The following SDC3 variants were observed in gnomAD, a reference collection of about 807,000 sequenced individuals.
SDC3 encodes syndecan 3.
A neutral mutation model predicts 24.4 loss-of-function variants in SDC3; 13 were observed. The ratio of observed to expected loss-of-function variants is 0.53; its 90% CI spans 0.35 to 0.85. The LOEUF (loss-of-function observed/expected upper bound fraction) is 0.85, where lower values mean the gene tolerates loss of function less well. Among genes scored for constraint, SDC3 ranks in the 40% least tolerant of loss-of-function variants. The pLI is 0.01. For missense variants in SDC3, 571 were observed against 584.5 expected (o/e 0.98, Z 0.24); for synonymous variants, 295 against 260.9 (o/e 1.13, Z -1.26).
chr1:30,908,471 AGC>A lies in SDC3; in HGVS notation c.114_115del (p.Leu39AlafsTer14). On this transcript the variant is annotated frameshift_variant, in exon 1 of 5. Coordinates refer to ENST00000339394, the MANE Select transcript of SDC3 (RefSeq NM_014654.4). LOFTEE classifies it high-confidence loss of function. ...CACCCCCGCGGCGCGCCCCGCCAGC[AGC>A]AGCAGCAGCAGCGGTGGCAGGAGCA... The A allele has an allele frequency of 9.7e-7, 1 of 1,026,740 alleles. No individual in the cohort carries two copies. Among genetic ancestry groups the A allele is most frequent in the Non-Finnish European group, 1.2e-6 (1 of 854,426 alleles). 63.6% of individuals were successfully genotyped at this position (1,026,740 alleles called of 1,614,324 possible). A position where few individuals can be genotyped will look rare whatever the true frequency, so the allele number is the denominator to read the frequency against.
chr1:30,889,978 T>A (rs936969833), intron 1 of SDC3, among the ~76,000 whole-genome samples: 5 of 152,188 alleles, frequency 3.3e-5, no homozygotes, highest in African/African-American at 1.2e-4. Context: ...AAATGTGGTA[T>A]GTTCATACAA....
At chr1:30,892,278 C>T (rs1404145363) in intron 1 of SDC3, among the ~76,000 whole-genome samples, 1 of 152,082 alleles carries the variant, frequency 6.6e-6, no homozygotes, top group Non-Finnish European at 1.5e-5. Flanking sequence ...AGCTGACCCA[C>T]CCACTCCACC....
At position 30,888,273 on chromosome 1, in the gene SDC3, C is replaced by A. The variant is rs141787709; in HGVS notation, c.139-9533G>T. ...CTGGAGCAGGGACAGGGAGAGCAGGCAGGGTGGGACGTGGCAGTGGGAAGG... is the reference window on the plus strand; with the variant it reads ...CTGGAGCAGGGACAGGGAGAGCAGGAAGGGTGGGACGTGGCAGTGGGAAGG... On this transcript the variant is annotated intron_variant, in intron 1 of 4. Coordinates refer to ENST00000339394, the MANE Select transcript of SDC3 (RefSeq NM_014654.4). Among the ~76,000 whole-genome samples the A allele has an allele frequency of 7.3e-3, 1,107 of 152,276 alleles. 13 individuals carry two copies. The highest frequency in any genetic ancestry group is 0.025 in the African/African-American group (1,046 of 41,554).
At chr1:30,875,019 T>C (rs1371726446) in intron 3 of SDC3, among the ~76,000 whole-genome samples, 1 of 152,236 alleles carries the variant, frequency 6.6e-6, no homozygotes, top group Non-Finnish European at 1.5e-5. Flanking sequence ...TCCCAGTCCA[T>C]GCCTAAGGCA....
At chr1:30,897,431 TC>T (rs1391777936) in intron 1 of SDC3, among the ~76,000 whole-genome samples, 1 of 152,102 alleles carries the variant, frequency 6.6e-6, no homozygotes, top group East Asian at 1.9e-4. Context: ...CCAGCTGAAA[TC>T]CTCTCCAGCC....
intron 1 of SDC3, among the ~76,000 whole-genome samples, chr1:30,895,795 G>C (rs1376499745): frequency 6.6e-6 from 1 of 151,628 alleles, no homozygotes; most frequent in Non-Finnish European, 1.5e-5. Flanking sequence ...CAACCAGCCA[G>C]GGAGCAAGAT....
Position 30,874,483 on chromosome 1 carries a change from G to C in SDC3, c.976C>G (p.Gln326Glu), listed in dbSNP as rs748073439. ...ACCACCTCATTGGCTGTGTCTGGTT[G>C]TGTGGTCTCTTCTTCTGGCAGCTCG... is the stretch of plus-strand genomic sequence containing the variant. The part of the protein sequence containing the change: ...DFELPEEETT[Q>E]PDTANEVVAV... The change falls in exon 4 of 5, where the codon CAA (glutamine) becomes GAA (glutamate). Residue 326 changes from glutamine (Q) to glutamate (E), a missense_variant. By Grantham distance (29) the Gln-to-Glu change is conservative (BLOSUM62 2). Coordinates refer to ENST00000339394, the MANE Select transcript of SDC3 (RefSeq NM_014654.4). The C allele has an allele frequency of 3.1e-6, 5 of 1,614,152 alleles. No individual in the cohort carries two copies. Among genetic ancestry groups the C allele is most frequent in the Non-Finnish European group, 4.2e-6 (5 of 1,180,022 alleles).
rs201384487 is a variant in SDC3 at position 30,873,413 on chromosome 1, G to A, written c.1163-36C>T. ...AGAGGGCACAGGTCAAGGCCCAGAG[G>A]CAGGGTAGAACCAGGGCAAAGGGTC... On this transcript the variant is annotated intron_variant, in intron 4 of 4. Coordinates refer to ENST00000339394, the MANE Select transcript of SDC3 (RefSeq NM_014654.4). 21 of 1,587,540 alleles carry A rather than the reference G, an allele frequency of 1.3e-5. No homozygotes were observed. In the Admixed American group the frequency reaches 1.5e-4, roughly 11 times the overall value.
intron 1 of SDC3, among the ~76,000 whole-genome samples, chr1:30,881,699 C>A (rs762490541): frequency 1.2e-4 from 18 of 152,222 alleles, no homozygotes; most frequent in Non-Finnish European, 2.1e-4. Flanking sequence ...TGAGGGCCTG[C>A]CCCAGGCCAG....
chr1:30,906,851 TGCTA>T (rs988232506), intron 1 of SDC3, among the ~76,000 whole-genome samples: 18 of 152,184 alleles, frequency 1.2e-4, no homozygotes, highest in Non-Finnish European at 2.1e-4. Context: ...CGACCCCAGC[TGCTA>T]GGGTGTGCTG....
intron 3 of SDC3, among the ~76,000 whole-genome samples, chr1:30,875,408 C>T (rs2124308270): frequency 6.6e-6 from 1 of 152,298 alleles, no homozygotes; most frequent in African/African-American, 2.4e-5. Context: ...TGTGTGAAAA[C>T]ACCAGGCTGC....
intron 1 of SDC3, among the ~76,000 whole-genome samples, chr1:30,885,451 C>T (rs751016411): frequency 1.3e-5 from 2 of 152,144 alleles, no homozygotes; most frequent in African/African-American, 2.4e-5. Flanking sequence ...ACAATTTCTC[C>T]GATAAACCCA....
chr1:30,893,804 AC>A (rs1239991322), intron 1 of SDC3, among the ~76,000 whole-genome samples: 2 of 152,120 alleles, frequency 1.3e-5, no homozygotes, highest in Non-Finnish European at 2.9e-5. Context: ...CCTCAGGGGC[AC>A]AGCCACACTC....
Position 30,876,910 on chromosome 1 carries a change from G to A in SDC3, c.512C>T (p.Thr171Ile). Residue 171 changes from threonine to isoleucine, a missense_variant, in exon 3 of 5, where the codon ACA becomes ATA. Around this residue, in one of 2 missense-constraint regions of SDC3, gnomAD observed 497 missense variants for 471.6 expected, o/e 1.05. Coordinates refer to ENST00000339394, the MANE Select transcript of SDC3 (RefSeq NM_014654.4). ...TTMATTAATS[T>I]GDPTVATVPA... The stretch of plus-strand genomic sequence containing the variant: ...CACTGTGGCCACAGTCGGGTCCCCT[G>A]TGCTTGTGGCAGCAGTGGTAGCCAT... 6.2e-7 allele frequency: 1 copy of A among 1,613,940 alleles called. No homozygotes were observed. Among genetic ancestry groups the A allele is most frequent in the Non-Finnish European group, 8.5e-7 (1 of 1,179,970 alleles).
chr1:30,876,193 G>A (rs1305973561), intron 3 of SDC3, among the ~76,000 whole-genome samples: 4 of 152,142 alleles, frequency 2.6e-5, no homozygotes, highest in African/African-American at 9.7e-5. Flanking sequence ...GGACTGGCCT[G>A]AGGTCCCGTG....
chr1:30,873,676 T>G (rs1237740368), intron 4 of SDC3, among the ~76,000 whole-genome samples: 1 of 152,122 alleles, frequency 6.6e-6, no homozygotes, highest in Non-Finnish European at 1.5e-5. Flanking sequence ...CCCCAGTATT[T>G]TATAACTGCT....
upstream of SDC3, chr1:30,908,902 G>A (rs1638595088): frequency 6.7e-6 from 1 of 150,360 alleles, no homozygotes; most frequent in East Asian, 2.0e-4. Context: ...CCCAGTCCCA[G>A]CCCCCGCCCC....
chr1:30,881,177 T>C (rs1425002838), intron 1 of SDC3, among the ~76,000 whole-genome samples: 1 of 151,646 alleles, frequency 6.6e-6, no homozygotes, highest in Non-Finnish European at 1.5e-5. Context: ...CCACAGCCTA[T>C]AGGCAATACA....
chr1:30,898,042 C>T (rs1638317175), intron 1 of SDC3, among the ~76,000 whole-genome samples: 1 of 149,560 alleles, frequency 6.7e-6, no homozygotes. Flanking sequence ...TGAGCTCTTC[C>T]ATGTGGAGGA....
Sources: allele counts gnomAD v4.1 joint callset (sites outside exome capture counted in the v4.1 genomes callset), GRCh38; gene constraint gnomAD v4.1.1; regional missense constraint gnomAD v4.1.1; transcripts MANE v1.5; gene names NCBI Gene and HGNC (gene_info 2026-07-23, HGNC 2026-07-21).